The following CTIF variants were observed in gnomAD, a reference collection of about 807,000 sequenced individuals.
CTIF encodes the protein CBP80/20-dependent translation initiation factor.
CTIF carries 21 observed loss-of-function variants against 66.0 expected under a neutral mutation model. The observed-to-expected ratio is 0.32, with a 90% confidence interval of 0.23 to 0.46. The LOEUF (loss-of-function observed/expected upper bound fraction) is 0.46, where lower values mean the gene tolerates loss of function less well. CTIF is among the 20% of genes least tolerant of loss of function. The pLI is 1.00. For missense variants in CTIF, 739 were observed against 812.7 expected, an observed-to-expected ratio of 0.91 and a Z score of 1.10; for synonymous variants, 345 against 326.4, an observed-to-expected ratio of 1.06 and a Z score of -0.62.
chr18:48,584,228 A>C (rs1160056906), intron 1 of CTIF, among the ~76,000 whole-genome samples: 1 of 152,126 alleles, frequency 6.6e-6, no homozygotes, highest in Non-Finnish European at 1.5e-5. Flanking sequence ...TCACCCTTTG[A>C]GATTTATGGT....
intron 1 of CTIF, among the ~76,000 whole-genome samples, chr18:48,585,418 A>G (rs1197382543): frequency 2.0e-5 from 3 of 152,188 alleles, no homozygotes; most frequent in African/African-American, 7.2e-5. Context: ...CCTAGCCTTA[A>G]GGAGAGTTTG....
intron 10 of CTIF, among the ~76,000 whole-genome samples, chr18:48,836,641 G>A (rs1360830987): frequency 1.3e-5 from 2 of 152,248 alleles, no homozygotes; most frequent in Non-Finnish European, 2.9e-5. Flanking sequence ...AGGAAGCAGG[G>A]TGGGAAGCCC....
intron 1 of CTIF, among the ~76,000 whole-genome samples, chr18:48,558,731 A>G (rs2089080006): frequency 2.0e-5 from 3 of 152,174 alleles, no homozygotes; most frequent in Admixed American, 1.3e-4. Context: ...GTCATCAGAA[A>G]CTTCTCAGCT....
In CTIF at chr18:48,651,682, C is replaced by T. The variant is rs557066000; in HGVS notation, c.253-12070C>T. On this transcript the variant is annotated intron_variant, in intron 3 of 11. Coordinates refer to ENST00000256413, the MANE Select transcript of CTIF (RefSeq NM_014772.3). ...ATATACATTCTTCTCAGCACCACAT[C>T]GCACTTATTCCAAAATTGACCACTT... is the stretch of plus-strand genomic sequence containing the variant. 1.9e-4 allele frequency among the ~76,000 whole-genome samples: 29 copies of T among 152,322 alleles called. No individual in the cohort carries two copies. The South Asian group carries it at 4.8e-3, about 25-fold the overall frequency.
intron 1 of CTIF, among the ~76,000 whole-genome samples, chr18:48,542,839 C>T (rs188473050): frequency 6.6e-6 from 1 of 152,270 alleles, no homozygotes; most frequent in Admixed American, 6.5e-5. Context: ...CCGGGAGGGC[C>T]CAGAGGTATG....
rs187663379 is a variant in CTIF at position 48,560,715 on chromosome 18, C to T, written c.-29+21403C>T. 1.4e-3 allele frequency among the ~76,000 whole-genome samples: 218 copies of T among 152,182 alleles called. 1 individual carries two copies. The highest frequency in any genetic ancestry group is 7.6e-4 in the Non-Finnish European group (52 of 68,010). On this transcript the variant is annotated intron_variant, in intron 1 of 11. Transcript: ENST00000256413. ...CCTCCTGAGGAGCTGGGTCTTCAGG[C>T]TCACACCACTGTACCCCACAAAATT...
intron 2 of CTIF, among the ~76,000 whole-genome samples, chr18:48,626,352 T>A (rs956119433): frequency 6.6e-6 from 1 of 151,370 alleles, no homozygotes; most frequent in African/African-American, 2.4e-5. Flanking sequence ...TTATTTTCTT[T>A]TTTTCTTTTT....
intron 6 of CTIF, chr18:48,673,523 T>A (rs2091573558): frequency 6.6e-6 from 1 of 152,172 alleles, no homozygotes; most frequent in Admixed American, 6.5e-5. Flanking sequence ...AAACCCCACA[T>A]CTCAGTGGAA....
At chr18:48,663,653 G>A in intron 3 of CTIF, 99 bp from the exon 4 acceptor site, 7 of 1,078,890 alleles carry the variant, frequency 6.5e-6, no homozygotes, top group Non-Finnish European at 8.6e-6. Context: ...CTCACTTGGG[G>A]GCTCACTCCA....
rs572664231 is a variant in CTIF, at chr18:48,666,913, G to A, written c.431+2362G>A. On this transcript the variant is annotated intron_variant, in intron 5 of 11. Transcript: ENST00000256413. ...TTTCTCAGTGGGTCAGCTTCAGGAAGGGGTTGTGAGCAAAGGTGATGCTTG... is the reference window on the plus strand; with the variant it reads ...TTTCTCAGTGGGTCAGCTTCAGGAAAGGGTTGTGAGCAAAGGTGATGCTTG... Among the ~76,000 whole-genome samples the A allele has an allele frequency of 6.9e-4, 105 of 152,354 alleles. 1 individual carries two copies. Among genetic ancestry groups the A allele is most frequent in the African/African-American group, 2.5e-3 (102 of 41,580 alleles).
intron 7 of CTIF, among the ~76,000 whole-genome samples, chr18:48,732,918 G>A (rs2092468767): frequency 6.6e-6 from 1 of 152,234 alleles, no homozygotes; most frequent in Non-Finnish European, 1.5e-5. Context: ...GCCGTGGTGT[G>A]CCTTGCAGAT....
chr18:48,775,632 A>G (rs578173306), intron 9 of CTIF, among the ~76,000 whole-genome samples: 36 of 152,258 alleles, frequency 2.4e-4, no homozygotes, highest in Non-Finnish European at 4.6e-4. Context: ...TGCCTGACAC[A>G]TAAAGGGGGG....
chr18:48,581,211 G>T (rs1420466492), intron 1 of CTIF, among the ~76,000 whole-genome samples: 4 of 150,600 alleles, frequency 2.7e-5, no homozygotes, highest in East Asian at 3.9e-4. Context: ...GTTTTTTTTT[G>T]TTTTTGTTTT....
intron 9 of CTIF, among the ~76,000 whole-genome samples, chr18:48,808,350 A>G (rs1430404136): frequency 1.3e-5 from 2 of 152,190 alleles, no homozygotes; most frequent in African/African-American, 4.8e-5. Flanking sequence ...CACACTATTT[A>G]TATATTAAGA....
intron 1 of CTIF, chr18:48,567,342 C>T (rs1016836706): frequency 2.6e-5 from 4 of 152,198 alleles, no homozygotes; most frequent in Middle Eastern, 3.4e-3. Context: ...CAGGGAAGAA[C>T]GATATTCTGT....
At chr18:48,733,760 G>A (rs2092475663) in intron 7 of CTIF, among the ~76,000 whole-genome samples, 1 of 152,234 alleles carries the variant, frequency 6.6e-6, no homozygotes, top group Non-Finnish European at 1.5e-5. Flanking sequence ...GGCCACGCCT[G>A]TGGGGACCCT....
chr18:48,646,697 T>C (rs1445147344), intron 3 of CTIF, among the ~76,000 whole-genome samples: 1 of 150,108 alleles, frequency 6.7e-6, no homozygotes, highest in African/African-American at 2.5e-5. Flanking sequence ...CGGTGAGCTG[T>C]GATCAAACCA....
chr18:48,829,058 G>T (rs2068639127), intron 10 of CTIF, among the ~76,000 whole-genome samples: 1 of 152,252 alleles, frequency 6.6e-6, no homozygotes, highest in Non-Finnish European at 1.5e-5. Flanking sequence ...GGGACCGGCA[G>T]CTGCTGAAGG....
chr18:48,601,725 T>C (rs2090094510), intron 1 of CTIF, among the ~76,000 whole-genome samples: 1 of 152,228 alleles, frequency 6.6e-6, no homozygotes, highest in African/African-American at 2.4e-5. Context: ...CATATACTGA[T>C]ATGTTCAACT....
Sources: allele counts gnomAD v4.1 joint callset (sites outside exome capture counted in the v4.1 genomes callset), GRCh38; gene constraint gnomAD v4.1.1; transcripts MANE v1.5; gene names NCBI Gene and HGNC (gene_info 2026-07-23, HGNC 2026-07-21).